Variants in GHR observed in about 807,000 individuals in gnomAD.
The protein encoded by GHR is GH receptor.
A neutral mutation model predicts 67.1 loss-of-function variants in GHR; 35 were observed. The observed-to-expected ratio is 0.52, with a 90% confidence interval of 0.40 to 0.69. GHR has a LOEUF of 0.69. GHR is among the 30% of genes least tolerant of loss of function. The pLI is 0.00. For synonymous variants in GHR, 272 were observed against 269.1 expected (o/e 1.01, Z -0.10); for missense variants, 792 against 764.6 (o/e 1.04, Z -0.42).
At chr5:42,525,341 C>G (rs1747661816) in intron 1 of GHR, among the ~76,000 whole-genome samples, 1 of 152,246 alleles carries the variant, frequency 6.6e-6, no homozygotes, top group Admixed American at 6.5e-5. Flanking sequence ...TAAAGTTTGA[C>G]TGCCCTGCGG....
chr5:42,619,583 CTA>C lies in GHR; in HGVS notation c.71-9454_71-9453del, dbSNP rs1244418420. 3 of 152,230 alleles carry C rather than the reference CTA, an allele frequency of 2.0e-5. No individual in the cohort carries two copies. The East Asian group carries it at 5.8e-4, about 29-fold the overall frequency. 9.4% of individuals were successfully genotyped at this position (152,230 alleles called of 1,614,324 possible). ...GTTTTTGCCATTGAATGCCCAGCAA[CTA>C]GGACAGTGCCTGGCACATTGTAAGT... is the stretch of plus-strand genomic sequence containing the variant. On this transcript the variant is annotated intron_variant, in intron 2 of 9. Transcript: ENST00000230882.
chr5:42,471,572 A>G (rs886993745), intron 1 of GHR, among the ~76,000 whole-genome samples: 1 of 152,208 alleles, frequency 6.6e-6, no homozygotes, highest in Non-Finnish European at 1.5e-5. Context: ...CCTAGTTCGA[A>G]TCCCAGCTTC....
rs551280002 is a variant in GHR at position 42,653,086 on chromosome 5, T to G, written c.136+23983T>G. On this transcript the variant is annotated intron_variant, in intron 3 of 9. Coordinates refer to ENST00000230882, the MANE Select transcript of GHR (RefSeq NM_000163.5). ...TTGAGCAAGACCATATACTAAAAGA[T>G]GTCAGAACAGGGCCTGACAGATCAT... is the stretch of plus-strand genomic sequence containing the variant. 3.7e-4 allele frequency among the ~76,000 whole-genome samples: 56 copies of G among 152,164 alleles called. 1 individual carries two copies. The highest frequency in any genetic ancestry group is 2.9e-4 in the Non-Finnish European group (20 of 68,020).
At chr5:42,562,097 A>G (rs7735889) in intron 1 of GHR, among the ~76,000 whole-genome samples, 51,984 of 152,006 alleles carry the variant, frequency 0.34, 10,154 homozygotes, top group African/African-American at 0.54. Flanking sequence ...TCCAAACTTC[A>G]TGTGTCCGCA....
chr5:42,705,916 G>A (rs965063853), intron 6 of GHR, among the ~76,000 whole-genome samples: 10 of 152,178 alleles, frequency 6.6e-5, no homozygotes, highest in South Asian at 4.1e-4. Context: ...ACCCAATAAC[G>A]GGACTGCTGG....
chr5:42,440,501 GC>G (rs1424750683), intron 1 of GHR, among the ~76,000 whole-genome samples: 1 of 152,194 alleles, frequency 6.6e-6, no homozygotes, highest in Non-Finnish European at 1.5e-5. Context: ...CCAAGAAGAA[GC>G]CAGAAAAGTA....
intron 1 of GHR, among the ~76,000 whole-genome samples, chr5:42,482,782 C>A (rs1745708430): frequency 6.6e-6 from 1 of 152,182 alleles, no homozygotes; most frequent in Admixed American, 6.5e-5. Context: ...CCGTCTGTCA[C>A]CCCTTTCTTT....
intron 1 of GHR, chr5:42,466,825 G>T (rs1402502453): frequency 5.2e-6 from 6 of 1,154,718 alleles, no homozygotes; most frequent in Non-Finnish European, 7.1e-6. Flanking sequence ...CAGCAAAGAG[G>T]TGTCTCATTT....
chr5:42,511,165 G>A (rs1047133795), intron 1 of GHR, among the ~76,000 whole-genome samples: 2 of 152,128 alleles, frequency 1.3e-5, no homozygotes, highest in African/African-American at 4.8e-5. Flanking sequence ...TTTGCTACTG[G>A]TCTTTCCCTG....
chr5:42,665,836 A>C (rs1456256518), intron 3 of GHR, among the ~76,000 whole-genome samples: 2 of 152,182 alleles, frequency 1.3e-5, no homozygotes, highest in Non-Finnish European at 2.9e-5. Flanking sequence ...TAGAGGGTGA[A>C]TGAGGAGCAA....
At chr5:42,506,801 C>T (rs1387597210) in intron 1 of GHR, among the ~76,000 whole-genome samples, 1 of 152,268 alleles carries the variant, frequency 6.6e-6, no homozygotes, top group Admixed American at 6.5e-5. Flanking sequence ...GTACATTTAA[C>T]AGCAGATTTT....
chr5:42,697,031 T>A (rs995303717), intron 5 of GHR, among the ~76,000 whole-genome samples: 2 of 152,132 alleles, frequency 1.3e-5, no homozygotes, highest in Admixed American at 6.5e-5. Context: ...TAGAAGAGGT[T>A]AAAAGACTGA....
intron 1 of GHR, among the ~76,000 whole-genome samples, chr5:42,427,078 C>T (rs1742884894): frequency 1.3e-5 from 2 of 152,174 alleles, no homozygotes; most frequent in East Asian, 1.9e-4. Context: ...TACTTGAAAA[C>T]AAATATTATC....
intron 1 of GHR, among the ~76,000 whole-genome samples, chr5:42,431,922 G>C (rs1421707545): frequency 6.6e-6 from 1 of 152,132 alleles, no homozygotes; most frequent in Non-Finnish European, 1.5e-5. Flanking sequence ...CTGTGTCCTA[G>C]GGAAGAAGCG....
At chr5:42,437,980 A>G (rs1743405420) in intron 1 of GHR, among the ~76,000 whole-genome samples, 1 of 152,068 alleles carries the variant, frequency 6.6e-6, no homozygotes, top group Admixed American at 6.5e-5. Flanking sequence ...TTTCTAGAGA[A>G]AAAAAAATCG....
intron 1 of GHR, among the ~76,000 whole-genome samples, chr5:42,433,732 A>ATTTTTTTTTTTTT (rs35539827): frequency 1.2e-4 from 9 of 77,582 alleles, no homozygotes; most frequent in African/African-American, 2.7e-4. Context: ...AAGATATGGT[A>ATTTTTTTTTTTTT]TTTTTTTTTT....
chr5:42,524,904 A>G (rs570196999), intron 1 of GHR, among the ~76,000 whole-genome samples: 97 of 152,354 alleles, frequency 6.4e-4, no homozygotes, highest in African/African-American at 2.1e-3. Flanking sequence ...TGGGTGCACA[A>G]AAGTCAAGAA....
intron 1 of GHR, among the ~76,000 whole-genome samples, chr5:42,427,218 G>A (rs1000174000): frequency 6.6e-6 from 1 of 152,180 alleles, no homozygotes; most frequent in Non-Finnish European, 1.5e-5. Context: ...TTCTCATGCT[G>A]CTAATAAAGA....
At chr5:42,491,895 G>A (rs149606513) in intron 1 of GHR, among the ~76,000 whole-genome samples, 64 of 152,274 alleles carry the variant, frequency 4.2e-4, no homozygotes, top group Admixed American at 9.8e-4. Context: ...TGCAAGTGGC[G>A]TTTTCCAGGC....
Sources: allele counts gnomAD v4.1 joint callset (sites outside exome capture counted in the v4.1 genomes callset), GRCh38; gene constraint gnomAD v4.1.1; transcripts MANE v1.5; gene names NCBI Gene and HGNC (gene_info 2026-07-23, HGNC 2026-07-21).